The following SNX29 variants were observed in gnomAD, a reference collection of about 807,000 sequenced individuals.
SNX29 encodes the protein sorting nexin-29.
A neutral mutation model predicts 102.1 loss-of-function variants in SNX29; 78 were observed. That is an observed-to-expected ratio of 0.76 (90% confidence interval 0.64 to 0.92). The LOEUF (loss-of-function observed/expected upper bound fraction) is 0.92. SNX29 is among the 40% of genes least tolerant of loss of function. The pLI, the probability that SNX29 is intolerant of heterozygous loss-of-function variation, is 0.00. For synonymous variants in SNX29, 580 were observed against 414.5 expected (o/e 1.40, Z -4.85); for missense variants, 1,280 against 1,061.7 (o/e 1.21, Z -2.86).
chr16:12,463,817 A>AGTGT (rs143006476), intron 18 of SNX29, among the ~76,000 whole-genome samples: 12,310 of 143,258 alleles, frequency 0.086, 574 homozygotes, highest in African/African-American at 0.12. Flanking sequence ...TCCCGAAGTG[A>AGTGT]GTGTGTGTGT....
chr16:12,123,672 A>T (rs934210389), intron 11 of SNX29, among the ~76,000 whole-genome samples: 1 of 152,116 alleles, frequency 6.6e-6, no homozygotes, highest in Non-Finnish European at 1.5e-5. Context: ...GCCCCAACTG[A>T]TTGGCACAGT....
intron 15 of SNX29, among the ~76,000 whole-genome samples, chr16:12,289,829 G>A (rs540312393): frequency 1.8e-4 from 27 of 152,224 alleles, no homozygotes; most frequent in Admixed American, 7.2e-4. Flanking sequence ...TCCCCAGAAG[G>A]AGTCGTGTGG....
intron 3 of SNX29, among the ~76,000 whole-genome samples, chr16:12,003,921 C>T (rs768107607): frequency 1.3e-5 from 2 of 151,542 alleles, no homozygotes; most frequent in African/African-American, 2.4e-5. Flanking sequence ...GCAGGAGAAT[C>T]GCTTGAACCC....
chr16:12,543,870 C>T (rs577332685), intron 20 of SNX29, among the ~76,000 whole-genome samples: 11 of 152,306 alleles, frequency 7.2e-5, no homozygotes, highest in African/African-American at 2.6e-4. Flanking sequence ...CATCCTCTTA[C>T]CACACTACAA....
chr16:12,382,779 C>T (rs2083217550), intron 16 of SNX29, among the ~76,000 whole-genome samples: 1 of 152,176 alleles, frequency 6.6e-6, no homozygotes, highest in African/African-American at 2.4e-5. Context: ...TGGCTCCAGG[C>T]ATCCCTTGGT....
chr16:12,164,774 G>T (rs562393050), intron 13 of SNX29, among the ~76,000 whole-genome samples: 1 of 139,476 alleles, frequency 7.2e-6, no homozygotes, highest in Non-Finnish European at 1.5e-5. Flanking sequence ...TGCAACATCC[G>T]CCTCCCGGGT....
rs2141573256 is a variant in SNX29 at position 12,568,837 on chromosome 16, C to A, written c.*208C>A. ...CGTGACCCGAGAGACCAAGGCAGCA[C>A]CTCGCTGGAGAGACTGGGACACACA... On this transcript the variant is annotated 3_prime_UTR_variant, in exon 21 of 21. Transcript: ENST00000566228. 2 of 759,424 alleles carry A rather than the reference C, an allele frequency of 2.6e-6. No homozygotes were observed. Among genetic ancestry groups the A allele is most frequent in the South Asian group, 1.9e-5 (1 of 52,584 alleles). The allele number at this position is 759,424 out of a possible 1,614,324, so 47.0% of individuals were successfully genotyped here.
chr16:12,003,613 G>T (rs2056363711), intron 3 of SNX29, among the ~76,000 whole-genome samples: 1 of 152,194 alleles, frequency 6.6e-6, no homozygotes, highest in South Asian at 2.1e-4. Flanking sequence ...CCGAAACGTG[G>T]CCTGAGGTAG....
chr16:12,291,037 A>C (rs904488864), intron 15 of SNX29, among the ~76,000 whole-genome samples: 4 of 152,098 alleles, frequency 2.6e-5, no homozygotes, highest in Non-Finnish European at 5.9e-5. Flanking sequence ...AATCTCGAGG[A>C]AGGTAATCCT....
At chr16:12,295,804 T>G (rs577753688) in intron 15 of SNX29, among the ~76,000 whole-genome samples, 1 of 152,218 alleles carries the variant, frequency 6.6e-6, no homozygotes, top group Non-Finnish European at 1.5e-5. Flanking sequence ...CAAGTAGATT[T>G]TTTTTTTAAT....
At chr16:12,390,461 C>G (rs1469672043) in intron 16 of SNX29, among the ~76,000 whole-genome samples, 1 of 152,178 alleles carries the variant, frequency 6.6e-6, no homozygotes, top group African/African-American at 2.4e-5. Flanking sequence ...GAGACTGTCT[C>G]TCCTGGTGGA....
intron 14 of SNX29, among the ~76,000 whole-genome samples, chr16:12,246,797 T>A (rs545352594): frequency 1.4e-4 from 21 of 152,324 alleles, no homozygotes; most frequent in East Asian, 5.8e-4. Flanking sequence ...TAGTAACAGC[T>A]GCATAGGGTC....
At chr16:12,493,542 G>A (rs375039694) in intron 19 of SNX29, among the ~76,000 whole-genome samples, 3 of 152,252 alleles carry the variant, frequency 2.0e-5, no homozygotes, top group Non-Finnish European at 4.4e-5. Context: ...TCTCCTGCCT[G>A]ATTGCCCTGG....
At chr16:12,525,733 C>G (rs939256442) in intron 20 of SNX29, among the ~76,000 whole-genome samples, 4 of 133,746 alleles carry the variant, frequency 3.0e-5, no homozygotes, top group Middle Eastern at 4.7e-3. Flanking sequence ...AATCATTACA[C>G]TTCAAAATTG....
chr16:12,549,893 C>T (rs748473146), intron 20 of SNX29, among the ~76,000 whole-genome samples: 3 of 152,234 alleles, frequency 2.0e-5, no homozygotes, highest in Non-Finnish European at 4.4e-5. Context: ...GAACAGAGAT[C>T]AGAAAATGAT....
At chr16:12,017,545 A>G (rs1372567858) in intron 3 of SNX29, among the ~76,000 whole-genome samples, 2 of 152,180 alleles carry the variant, frequency 1.3e-5, no homozygotes, top group African/African-American at 4.8e-5. Context: ...GACATTTACA[A>G]ATTTTATGTA....
intron 13 of SNX29, among the ~76,000 whole-genome samples, chr16:12,185,874 C>T (rs1458899577): frequency 1.3e-5 from 2 of 152,200 alleles, no homozygotes; most frequent in Non-Finnish European, 2.9e-5. Context: ...TGCTCAGATG[C>T]AAGTTGCAAG....
intron 18 of SNX29, among the ~76,000 whole-genome samples, chr16:12,415,360 C>G (rs923196317): frequency 1.3e-5 from 2 of 152,252 alleles, no homozygotes; most frequent in Admixed American, 1.3e-4. Flanking sequence ...TCAAGATGCA[C>G]TCAGCAGCTC....
At chr16:12,034,838 C>G (rs1318749231) in intron 4 of SNX29, among the ~76,000 whole-genome samples, 1 of 152,086 alleles carries the variant, frequency 6.6e-6, no homozygotes, top group Non-Finnish European at 1.5e-5. Flanking sequence ...TGGTGAAACC[C>G]TGTCTCCATT....
Sources: gnomAD v4.1 joint callset for allele counts (sites outside exome capture counted in the v4.1 genomes callset) on GRCh38, gnomAD v4.1.1 for gene constraint, MANE v1.5 for transcripts, NCBI Gene and HGNC (gene_info 2026-07-23, HGNC 2026-07-21) for gene names.